The following RAE1 variants were observed in gnomAD, a reference collection of about 807,000 sequenced individuals.
RAE1 encodes ribonucleic acid export 1, also known as mRNA export factor RAE1.
A neutral mutation model predicts 52.7 loss-of-function variants in RAE1; 13 were observed. The ratio of observed to expected loss-of-function variants is 0.25; its 90% CI spans 0.16 to 0.39. The LOEUF is 0.39. Ranked by LOEUF, RAE1 falls within the 10% of genes least tolerant of loss-of-function variation. The pLI, the probability that RAE1 is intolerant of heterozygous loss-of-function variation, is 1.00. For missense variants in RAE1, 262 were observed against 459.8 expected (o/e 0.57, Z 3.93); for synonymous variants, 164 against 153.1 (o/e 1.07, Z -0.52).
At chr20:57,368,230 A>G (rs1322390170) in intron 7 of RAE1, among the ~76,000 whole-genome samples, 1 of 152,196 alleles carries the variant, frequency 6.6e-6, no homozygotes, top group Non-Finnish European at 1.5e-5. Flanking sequence ...AAGTGGCCTA[A>G]GGGGCCACCA....
At chr20:57,377,927 G>A in intron 11 of RAE1, 86 bp from the exon 12 acceptor site, 2 of 896,236 alleles carry the variant, frequency 2.2e-6, no homozygotes, top group Non-Finnish European at 3.5e-6. Flanking sequence ...CAGTATTGTA[G>A]CACAGGACTT....
At chr20:57,369,508 A>G (rs2067004309) in intron 8 of RAE1, among the ~76,000 whole-genome samples, 1 of 152,234 alleles carries the variant, frequency 6.6e-6, no homozygotes, top group South Asian at 2.1e-4. Flanking sequence ...TCTCCCCACC[A>G]AAGATAGCTT....
chr20:57,355,258 T>C (rs914405503), intron 3 of RAE1, among the ~76,000 whole-genome samples: 2 of 151,670 alleles, frequency 1.3e-5, no homozygotes, highest in African/African-American at 4.9e-5. Flanking sequence ...AATTACAGTT[T>C]ACTAAAAGAA....
At position 57,378,068 on chromosome 20, in the gene RAE1, C is replaced by A; in HGVS notation, c.1076C>A (p.Ala359Asp). The change falls in exon 12 of 12, where the codon GCC becomes GAC. Residue 359 changes from alanine to aspartate, a missense_variant. Ala to Asp is a moderately radical substitution (Grantham distance 126, BLOSUM62 -2). Transcript: ENST00000395841. ...AATTACATTTTCCTGCGTAATGCAG[C>A]CGAAGAGCTAAAGCCCAGGAATAAG... ...KKNYIFLRNA[A>D]EELKPRNKK The A allele has an allele frequency of 6.2e-7, 1 of 1,612,922 alleles. No individual in the cohort carries two copies. Among genetic ancestry groups the A allele is most frequent in the Non-Finnish European group, 8.5e-7 (1 of 1,179,070 alleles).
intron 4 of RAE1, among the ~76,000 whole-genome samples, chr20:57,364,001 C>T (rs2066922011): frequency 6.6e-6 from 1 of 152,222 alleles, no homozygotes; most frequent in African/African-American, 2.4e-5. Flanking sequence ...CCAGACCTTC[C>T]TGGTGATGGA....
intron 11 of RAE1, among the ~76,000 whole-genome samples, chr20:57,376,850 T>G (rs2067123737): frequency 6.6e-6 from 1 of 152,202 alleles, no homozygotes; most frequent in Non-Finnish European, 1.5e-5. Context: ...CGTTAAAAAA[T>G]GTAGTAAATT....
chr20:57,374,981 T>C (rs1206881768), intron 11 of RAE1, 180 bp downstream of exon 11: 2 of 758,414 alleles, frequency 2.6e-6, no homozygotes, highest in Non-Finnish European at 4.6e-6. Flanking sequence ...GGGGATTCAG[T>C]ACAGCCTTTG....
intron 7 of RAE1, among the ~76,000 whole-genome samples, chr20:57,368,400 GAAC>G (rs1244263763): frequency 6.6e-6 from 1 of 152,206 alleles, no homozygotes; most frequent in Non-Finnish European, 1.5e-5. Context: ...ATAACGCTGA[GAAC>G]AAAGGCTGGA....
intron 11 of RAE1, among the ~76,000 whole-genome samples, chr20:57,376,949 G>A (rs1389659441): frequency 6.6e-6 from 1 of 152,226 alleles, no homozygotes; most frequent in Non-Finnish European, 1.5e-5. Context: ...TCAGCTTATT[G>A]TGGGGGTTAC....
At position 57,360,952 on chromosome 20, in the gene RAE1, C is replaced by A. The variant is rs540640860; in HGVS notation, c.289-4404C>A. Among the ~76,000 whole-genome samples, 4 of 152,160 alleles carry A rather than the reference C, an allele frequency of 2.6e-5. No individual in the cohort carries two copies. The East Asian group carries it at 5.8e-4, about 22-fold the overall frequency. ...AGGGGTGTTTGCATGTGTAATCTTA[C>A]AAAGAACTAATAAAAAGGTCAGGAC... On this transcript the variant is annotated intron_variant, in intron 4 of 11. Transcript: ENST00000395841.
Position 57,356,446 on chromosome 20 carries a change from G to A in RAE1, c.196G>A (p.Val66Ile). ...GCATTGAATTTTTTTGTTACTACAG[G>A]TTCGCTGCTGGGAAGTTCAAGACAG... ...FLIAGSWANDVRCWEVQDSGQ... is the reference protein window; with the variant it reads ...FLIAGSWANDIRCWEVQDSGQ... The change falls in exon 4 of 12, where the codon GTT becomes ATT. Residue 66 changes from valine (V) to isoleucine (I), a missense_variant and splice_region_variant. By Grantham distance (29) the Val-to-Ile change is conservative. Coordinates refer to ENST00000395841, the MANE Select transcript of RAE1 (RefSeq NM_003610.4). 6.2e-7 allele frequency: 1 copy of A among 1,610,510 alleles called. No homozygotes were observed. Among genetic ancestry groups the A allele is most frequent in the Non-Finnish European group, 8.5e-7 (1 of 1,177,548 alleles).
chr20:57,378,922 C>G lies in RAE1; in HGVS notation c.*823C>G, dbSNP rs2146188990. 1 of 152,324 alleles carries G rather than the reference C, an allele frequency of 6.6e-6. No homozygotes were observed. 9.4% of individuals were successfully genotyped at this position (152,324 alleles called of 1,614,324 possible). On this transcript the variant is annotated 3_prime_UTR_variant, in exon 12 of 12. Transcript: ENST00000395841. ...CTGCATGGGAATTGCCCTGAACCCT[C>G]AGTAGTGGTTGTTTGGCTGTTCTTT...
At position 57,370,649 on chromosome 20, in the gene RAE1, C is replaced by A. The variant is rs567252258; in HGVS notation, c.642+1837C>A. 3.0e-3 allele frequency among the ~76,000 whole-genome samples: 450 copies of A among 152,358 alleles called. 2 individuals carry two copies. Among genetic ancestry groups the A allele is most frequent in the African/African-American group, 0.01 (428 of 41,572 alleles). On this transcript the variant is annotated intron_variant, in intron 8 of 11. Coordinates refer to ENST00000395841, the MANE Select transcript of RAE1 (RefSeq NM_003610.4). The stretch of plus-strand genomic sequence containing the variant: ...ACTACATTCTGTAGCTCTTTATTCA[C>A]ATGTTACCCTTGCCTCAGGATTCTC...
At chr20:57,376,610 A>G (rs1466033371) in intron 11 of RAE1, among the ~76,000 whole-genome samples, 1 of 152,094 alleles carries the variant, frequency 6.6e-6, no homozygotes, top group Non-Finnish European at 1.5e-5. Context: ...GGGGTGTGCC[A>G]TTTGTTTATC....
At chr20:57,358,310 A>C (rs753607489) in intron 4 of RAE1, 3 of 152,244 alleles carry the variant, frequency 2.0e-5, no homozygotes, top group African/African-American at 7.2e-5. Flanking sequence ...CGATGAGTGT[A>C]AGGAACGCTA....
intron 4 of RAE1, 102 bp downstream of exon 4, chr20:57,356,640 G>A: frequency 9.5e-7 from 1 of 1,054,084 alleles, no homozygotes; most frequent in South Asian, 1.9e-5. Context: ...TGTTCATATT[G>A]TAGGAATTCT....
chr20:57,372,029 G>A (rs1218328876), intron 8 of RAE1: 1 of 152,182 alleles, frequency 6.6e-6, no homozygotes, highest in Non-Finnish European at 1.5e-5. Context: ...AGGGAAATGG[G>A]GAGCTACTTA....
chr20:57,354,605 T>A, intron 2 of RAE1, 107 bp from the exon 3 acceptor site: 1 of 717,004 alleles, frequency 1.4e-6, no homozygotes, highest in South Asian at 2.2e-5. Context: ...TTCAGTTAGT[T>A]CTTGTACACA....
At position 57,378,084 on chromosome 20, in the gene RAE1, C is replaced by G. The variant is rs763301301; in HGVS notation, c.1092C>G (p.Pro364=). 3 of 1,611,268 alleles carry G rather than the reference C, an allele frequency of 1.9e-6. No homozygotes were observed. Among genetic ancestry groups the G allele is most frequent in the South Asian group, 2.2e-5 (2 of 90,746 alleles). The change falls in exon 12 of 12, where the codon CCC becomes CCG. Residue 364 remains proline, a synonymous_variant. Coordinates refer to ENST00000395841, the MANE Select transcript of RAE1 (RefSeq NM_003610.4). ...FLRNAAEELK[P]RNKK Reference sequence around the variant, plus strand: ...GTAATGCAGCCGAAGAGCTAAAGCCCAGGAATAAGAAGTAGTGGCTGGAGA... The same window carrying G: ...GTAATGCAGCCGAAGAGCTAAAGCCGAGGAATAAGAAGTAGTGGCTGGAGA...
Sources: allele counts gnomAD v4.1 joint callset (sites outside exome capture counted in the v4.1 genomes callset), GRCh38; gene constraint gnomAD v4.1.1; transcripts MANE v1.5; gene names NCBI Gene and HGNC (gene_info 2026-07-23, HGNC 2026-07-21).